Variants in UBE2U observed in about 807,000 individuals in gnomAD.
UBE2U encodes ubiquitin-conjugating enzyme E2 U.
Under a neutral mutation model 41.2 loss-of-function variants are expected in UBE2U, and 39 were observed. The ratio of observed to expected loss-of-function variants is 0.95; its 90% confidence interval spans 0.73 to 1.24. The LOEUF (loss-of-function observed/expected upper bound fraction) is 1.24, where lower values mean the gene tolerates loss of function less well. Among genes scored for constraint, UBE2U ranks in the 50% most tolerant of loss-of-function variants. The pLI is 0.00. For synonymous variants in UBE2U, 107 were observed against 117.8 expected, an observed-to-expected ratio of 0.91 and a Z score of 0.60; for missense variants, 336 against 363.1, an observed-to-expected ratio of 0.93 and a Z score of 0.61.
At chr1:64,218,534 T>G (rs1297171423) in intron 5 of UBE2U, among the ~76,000 whole-genome samples, 1 of 152,208 alleles carries the variant, frequency 6.6e-6, no homozygotes, top group Non-Finnish European at 1.5e-5. Context: ...GAGGCAACAA[T>G]AGCTTTCAAC....
At chr1:64,233,306 C>T (rs752662456) in intron 7 of UBE2U, among the ~76,000 whole-genome samples, 1 of 152,034 alleles carries the variant, frequency 6.6e-6, no homozygotes, top group Non-Finnish European at 1.5e-5. Context: ...CACACCCGGC[C>T]TTATTTTTAC....
intron 9 of UBE2U, among the ~76,000 whole-genome samples, chr1:64,260,934 T>C (rs1027974835): frequency 1.3e-5 from 2 of 152,134 alleles, no homozygotes; most frequent in African/African-American, 4.8e-5. Flanking sequence ...TACTACCCTT[T>C]AATAGGTTGA....
chr1:64,257,971 A>G (rs1447695921), intron 8 of UBE2U, among the ~76,000 whole-genome samples: 1 of 152,180 alleles, frequency 6.6e-6, no homozygotes, highest in Admixed American at 6.6e-5. Flanking sequence ...AACCTGATAA[A>G]GCATATTTAT....
At chr1:64,260,776 T>A in intron 9 of UBE2U, 82 bp downstream of exon 9, 1 of 1,128,478 alleles carries the variant, frequency 8.9e-7, no homozygotes, top group Non-Finnish European at 1.3e-6. Flanking sequence ...TTTTTTCCAT[T>A]TAAGTAAGTT....
intron 8 of UBE2U, among the ~76,000 whole-genome samples, chr1:64,250,266 A>G (rs939202050): frequency 6.6e-6 from 1 of 152,202 alleles, no homozygotes; most frequent in Admixed American, 6.5e-5. Flanking sequence ...GAAAGGCAAC[A>G]TCTACCAAGC....
At chr1:64,207,464 T>G (rs1420534000) in intron 3 of UBE2U, among the ~76,000 whole-genome samples, 1 of 152,266 alleles carries the variant, frequency 6.6e-6, no homozygotes, top group Non-Finnish European at 1.5e-5. Context: ...ATTTTAAAAC[T>G]ATATGTCTTT....
rs1557730742 is a variant in UBE2U at position 64,239,148 on chromosome 1, A to AAGGAGAAGG, written c.596-2502_596-2501insGAGAAGGAG. Among the ~76,000 whole-genome samples the AAGGAGAAGG allele has an allele frequency of 5.7e-4, 14 of 24,664 alleles. 1 individual carries two copies. The highest frequency in any genetic ancestry group is 2.6e-3 in the African/African-American group (14 of 5,288). The allele number at this position is 24,664 out of a possible 152,430, so 16.2% of individuals were successfully genotyped here. A position where few individuals can be genotyped will look rare whatever the true frequency, so the allele number is the denominator to read the frequency against. ...GAAGAAGAAGAAGAAGAAGAAGAAG[A>AAGGAGAAGG]AGAAGAAGAAAGAAGAAGAAGAAGA... On this transcript the variant is annotated intron_variant, in intron 7 of 9. Coordinates refer to ENST00000371077, the MANE Select transcript of UBE2U (RefSeq NM_001366232.2).
At chr1:64,256,817 G>A (rs560081371) in intron 8 of UBE2U, among the ~76,000 whole-genome samples, 1 of 152,060 alleles carries the variant, frequency 6.6e-6, no homozygotes, top group Admixed American at 6.6e-5. Flanking sequence ...TACCATCAGA[G>A]TGAACAGACA....
intron 8 of UBE2U, among the ~76,000 whole-genome samples, chr1:64,258,891 C>T (rs531439265): frequency 1.1e-4 from 17 of 152,300 alleles, no homozygotes; most frequent in Admixed American, 5.2e-4. Context: ...CTTGAGGAAT[C>T]GCCACACTGT....
chr1:64,246,879 C>A lies in UBE2U; in HGVS notation c.677+5146C>A, dbSNP rs139084432. Among the ~76,000 whole-genome samples the A allele has an allele frequency of 2.0e-3, 311 of 152,220 alleles. 1 individual carries two copies. The highest frequency in any genetic ancestry group is 7.2e-3 in the African/African-American group (298 of 41,536). On this transcript the variant is annotated intron_variant, in intron 8 of 9. Transcript: ENST00000371077. ...AACAAAGCTGAAATTCAAATGCAGG[C>A]CTGCCAGATACCACAAGCCACGCTT...
intron 7 of UBE2U, 118 bp downstream of exon 7, chr1:64,232,767 G>A (rs1009650141): frequency 2.9e-5 from 19 of 651,434 alleles, no homozygotes; most frequent in Middle Eastern, 6.9e-4. Context: ...AAACTTCTCT[G>A]TAGGCTCTAT....
At chr1:64,216,179 A>G (rs1651998502) in intron 5 of UBE2U, among the ~76,000 whole-genome samples, 1 of 152,140 alleles carries the variant, frequency 6.6e-6, no homozygotes, top group Non-Finnish European at 1.5e-5. Flanking sequence ...TTGATCAAGC[A>G]TCTTTTCCAG....
intron 9 of UBE2U, among the ~76,000 whole-genome samples, chr1:64,265,084 C>T (rs149605737): frequency 3.9e-5 from 6 of 152,110 alleles, no homozygotes; most frequent in African/African-American, 1.4e-4. Context: ...GTGAGAAGAT[C>T]GCTTTTTCCC....
At chr1:64,216,794 T>C (rs753153179) in intron 5 of UBE2U, among the ~76,000 whole-genome samples, 4 of 152,226 alleles carry the variant, frequency 2.6e-5, no homozygotes, top group Non-Finnish European at 5.9e-5. Flanking sequence ...CCTCAGTGTA[T>C]TGACAAGAAG....
chr1:64,228,655 TTTTC>T (rs1653046991), intron 6 of UBE2U, among the ~76,000 whole-genome samples: 1 of 150,188 alleles, frequency 6.7e-6, no homozygotes, highest in African/African-American at 2.5e-5. Flanking sequence ...CCAAATATGG[TTTTC>T]TTTTTCTTTT....
At chr1:64,243,332 G>C (rs1201016074) in intron 8 of UBE2U, among the ~76,000 whole-genome samples, 2 of 152,140 alleles carry the variant, frequency 1.3e-5, no homozygotes, top group Non-Finnish European at 2.9e-5. Flanking sequence ...CTATGCAAAT[G>C]TTAGAGGTAT....
chr1:64,251,620 A>G (rs1313604218), intron 8 of UBE2U, among the ~76,000 whole-genome samples: 1 of 152,098 alleles, frequency 6.6e-6, no homozygotes, highest in African/African-American at 2.4e-5. Flanking sequence ...GACGCCAACA[A>G]AATCCCCACC....
Position 64,206,808 on chromosome 1 carries a change from T to A in UBE2U, c.193T>A (p.Tyr65Asn). The change falls in exon 3 of 10, where the codon TAT becomes AAT. Residue 65 changes from tyrosine to asparagine, a missense_variant. By Grantham distance (143) the Tyr-to-Asn change is moderately radical (BLOSUM62 -2). Transcript: ENST00000371077. Reference protein sequence around the residue: ...LTIHFTSEYNYAPPVVKFITI... With the variant: ...LTIHFTSEYNNAPPVVKFITI... ...AATACATTTTACATCGGAGTACAACTATGCTCCTCCAGTTGTGAAATTTAT... is the reference window on the plus strand; with the variant it reads ...AATACATTTTACATCGGAGTACAACAATGCTCCTCCAGTTGTGAAATTTAT... The A allele has an allele frequency of 1.2e-6, 2 of 1,607,246 alleles. No individual in the cohort carries two copies. The highest frequency in any genetic ancestry group is 1.1e-5 in the South Asian group (1 of 90,172).
At position 64,208,579 on chromosome 1, in the gene UBE2U, G is replaced by T. The variant is rs1651453277; in HGVS notation, c.241+1723G>T. On this transcript the variant is annotated intron_variant, in intron 3 of 9. Coordinates refer to ENST00000371077, the MANE Select transcript of UBE2U (RefSeq NM_001366232.2). ...TGATTGTGCCATTGCACTCCAGCCT[G>T]GGCAACAGAACAAGACGCTGTCTCA... is the stretch of plus-strand genomic sequence containing the variant. Among the ~76,000 whole-genome samples, 5 of 112,514 alleles carry T rather than the reference G, an allele frequency of 4.4e-5. No homozygotes were observed. The Admixed American group carries it at 5.4e-4, about 12-fold the overall frequency. The allele number at this position is 112,514 out of a possible 152,430, so 73.8% of individuals were successfully genotyped here.
Sources: gnomAD v4.1 joint callset for allele counts (sites outside exome capture counted in the v4.1 genomes callset) on GRCh38, gnomAD v4.1.1 for gene constraint, MANE v1.5 for transcripts, NCBI Gene and HGNC (gene_info 2026-07-23, HGNC 2026-07-21) for gene names.